The following RPAP1 variants were observed in gnomAD, a reference collection of about 807,000 sequenced individuals.
The protein encoded by RPAP1 is RNA polymerase II-associated protein 1.
A neutral mutation model predicts 142.4 loss-of-function variants in RPAP1; 109 were observed. The observed-to-expected ratio is 0.77, with a 90% CI of 0.66 to 0.90. The LOEUF (loss-of-function observed/expected upper bound fraction) is 0.90, where lower values mean the gene tolerates loss of function less well. Among genes scored for constraint, RPAP1 ranks in the 40% least tolerant of loss-of-function variants. The pLI is 0.00. For synonymous variants in RPAP1, 704 were observed against 738.9 expected (o/e 0.95, Z 0.77); for missense variants, 1,546 against 1,751.7 (o/e 0.88, Z 2.10).
intron 1 of RPAP1, among the ~76,000 whole-genome samples, chr15:41,543,577 GA>G (rs2051991941): frequency 6.6e-6 from 1 of 152,080 alleles, no homozygotes; most frequent in Non-Finnish European, 1.5e-5. Context: ...TATATAATAG[GA>G]AATGTGTGAG....
intron 16 of RPAP1, 52 bp from the exon 17 acceptor site, chr15:41,524,024 C>T (rs1160338666): frequency 1.2e-5 from 20 of 1,608,508 alleles, no homozygotes; most frequent in Admixed American, 1.7e-5. Context: ...CCTCACGCCC[C>T]TTTACACTCC....
intron 1 of RPAP1, among the ~76,000 whole-genome samples, chr15:41,538,865 C>T (rs2051941952): frequency 6.6e-6 from 1 of 150,822 alleles, no homozygotes; most frequent in Non-Finnish European, 1.5e-5. Context: ...CTATATGACT[C>T]AGAAACATTT....
At chr15:41,527,122 G>C in intron 13 of RPAP1, 45 bp downstream of exon 13, 2 of 1,613,470 alleles carry the variant, frequency 1.2e-6, no homozygotes, top group Non-Finnish European at 1.7e-6. Context: ...TCAAGACAAG[G>C]CCCAGCTAGG....
At chr15:41,529,630 C>A in intron 8 of RPAP1, 62 bp from the exon 9 acceptor site, 1 of 1,211,498 alleles carries the variant, frequency 8.3e-7, no homozygotes, top group Admixed American at 1.9e-5. Flanking sequence ...ACACCCACTC[C>A]CCACCTTTAA....
In RPAP1 at chr15:41,527,196, C is replaced by A. The variant is rs1181952084; in HGVS notation, c.1717G>T (p.Ala573Ser). Residue 573 changes from alanine to serine, a missense_variant, in exon 13 of 25, where the codon GCC becomes TCC. Ala to Ser is a moderately conservative substitution (Grantham distance 99). This residue lies in a region of RPAP1 where 1,333 missense variants were observed against 1,486.6 expected (regional missense o/e 0.90). Transcript: ENST00000304330. Reference protein sequence around the residue: ...LDILAVLIRLARHSLESATRV... With the variant: ...LDILAVLIRLSRHSLESATRV... ...GTGGCTGATTCCAGGGAATGCCGGG[C>A]CAGGCGGATGAGCACAGCCAGGATG... 1 of 1,614,066 alleles carries A rather than the reference C, an allele frequency of 6.2e-7. No homozygotes were observed. Among genetic ancestry groups the A allele is most frequent in the Non-Finnish European group, 8.5e-7 (1 of 1,180,036 alleles).
In RPAP1 at chr15:41,527,544, C is replaced by G; in HGVS notation, c.1490G>C (p.Ser497Thr). 6.2e-7 allele frequency: 1 copy of G among 1,614,120 alleles called. No homozygotes were observed. The highest frequency in any genetic ancestry group is 8.5e-7 in the Non-Finnish European group (1 of 1,180,022). The change falls in exon 12 of 25, where the codon AGC becomes ACC. Residue 497 changes from serine to threonine, a missense_variant. Ser to Thr is a moderately conservative substitution (Grantham distance 58). Coordinates refer to ENST00000304330, the MANE Select transcript of RPAP1 (RefSeq NM_015540.4). ...GTCCTCATCCTCCTTGTCCTCCTGGCTGGGCATCAGAGGGAACGTCAAAGC... is the reference window on the plus strand; with the variant it reads ...GTCCTCATCCTCCTTGTCCTCCTGGGTGGGCATCAGAGGGAACGTCAAAGC... Reference protein sequence around the residue: ...HGALTFPLMPSQEDKEDEDED... With the variant: ...HGALTFPLMPTQEDKEDEDED...
At chr15:41,522,717 G>A in intron 19 of RPAP1, 48 bp downstream of exon 19, 1 of 1,111,512 alleles carries the variant, frequency 9.0e-7, no homozygotes, top group Non-Finnish European at 1.3e-6. Context: ...TCTGATTCCT[G>A]CCATCTTGGC....
At chr15:41,533,849 A>C (rs1046812800) in intron 6 of RPAP1, among the ~76,000 whole-genome samples, 1 of 150,646 alleles carries the variant, frequency 6.6e-6, no homozygotes, top group African/African-American at 2.4e-5. Context: ...AAAAAAAAAA[A>C]AAAACCTAGG....
chr15:41,529,654 A>G, intron 8 of RPAP1, 86 bp from the exon 9 acceptor site: 2 of 1,044,048 alleles, frequency 1.9e-6, no homozygotes, highest in Non-Finnish European at 2.9e-6. Context: ...CAGGCCTTTC[A>G]GGACTTAGGT....
rs772873764 is a variant in RPAP1, at chr15:41,527,464, TTTC to T, written c.1567_1569del (p.Glu523del). 3.0e-4 allele frequency: 477 copies of T among 1,614,238 alleles called. No homozygotes were observed. Among genetic ancestry groups the T allele is most frequent in the Admixed American group, 1.4e-3 (86 of 60,026 alleles). On this transcript the variant is annotated inframe_deletion, in exon 12 of 25. Transcript: ENST00000304330. ...CGGGCCAGGTCAGGTGGAGGCCGGC[TTTC>T]TTCTTCAGGGCTTTTCCTTTTTGCT...
intron 6 of RPAP1, among the ~76,000 whole-genome samples, chr15:41,532,814 TA>T (rs74184739): frequency 6.6e-6 from 1 of 151,438 alleles, no homozygotes; most frequent in Non-Finnish European, 1.5e-5. Context: ...CCATCTCTAC[TA>T]AAAATACAAA....
intron 6 of RPAP1, among the ~76,000 whole-genome samples, chr15:41,531,900 T>C (rs2051855858): frequency 6.6e-6 from 1 of 151,712 alleles, no homozygotes; most frequent in South Asian, 2.1e-4. Context: ...CTGTTACCCA[T>C]GCTGGAGTGC....
chr15:41,523,087 C>G lies in RPAP1; in HGVS notation c.2547-127G>C, dbSNP rs918575630. On this transcript the variant is annotated intron_variant, in intron 18 of 24. Coordinates refer to ENST00000304330, the MANE Select transcript of RPAP1 (RefSeq NM_015540.4). ...GTGGAGGTCAGTGCTGCTCACACTC[C>G]TCAGAGCCCACCCCACTGCTGCCTG... 5.2e-6 allele frequency: 5 copies of G among 952,494 alleles called. No individual in the cohort carries two copies. In the African/African-American group the frequency reaches 8.4e-5, roughly 16 times the overall value. 59.0% of individuals were successfully genotyped at this position (952,494 alleles called of 1,614,324 possible). A position where few individuals can be genotyped will look rare whatever the true frequency, so the allele number is the denominator to read the frequency against.
At chr15:41,537,544 G>T (rs1160457325) in intron 1 of RPAP1, among the ~76,000 whole-genome samples, 1 of 152,112 alleles carries the variant, frequency 6.6e-6, no homozygotes, top group Non-Finnish European at 1.5e-5. Context: ...TGGCCTAAAG[G>T]TATGTAAATT....
At chr15:41,528,985 G>A (rs2051822111) in intron 9 of RPAP1, among the ~76,000 whole-genome samples, 1 of 152,146 alleles carries the variant, frequency 6.6e-6, no homozygotes, top group South Asian at 2.1e-4. Flanking sequence ...GAGGCATCAT[G>A]AGGAGGTGAC....
chr15:41,525,066 G>A lies in RPAP1; in HGVS notation c.2000C>T (p.Ala667Val), dbSNP rs767637442. ...GAGGGCCTCGGTGCTCAGCATCTCAGCTTCCTCTGGGGGCAAGGCCAGTTC... is the reference window on the plus strand; with the variant it reads ...GAGGGCCTCGGTGCTCAGCATCTCAACTTCCTCTGGGGGCAAGGCCAGTTC... ...PQELALPPEE[A>V]EMLSTEALRL... Residue 667 changes from alanine (A) to valine (V), a missense_variant, in exon 15 of 25, where the codon GCT becomes GTT. Physicochemically the swap from Ala to Val is moderately conservative, Grantham distance 64. Transcript: ENST00000304330. The A allele has an allele frequency of 1.2e-6, 2 of 1,614,066 alleles. No homozygotes were observed. Among genetic ancestry groups the A allele is most frequent in the South Asian group, 1.1e-5 (1 of 91,082 alleles).
intron 22 of RPAP1, 169 bp downstream of exon 22, chr15:41,520,222 C>G (rs930590151): frequency 4.1e-6 from 3 of 739,322 alleles, no homozygotes; most frequent in Non-Finnish European, 6.6e-6. Flanking sequence ...GCGTGAGCCA[C>G]CACACCCAGC....
At chr15:41,530,257 AAG>A (rs1170399069) in intron 7 of RPAP1, among the ~76,000 whole-genome samples, 1 of 152,162 alleles carries the variant, frequency 6.6e-6, no homozygotes, top group African/African-American at 2.4e-5. Flanking sequence ...AGAAGGAAGA[AAG>A]AGAAAGAAAG....
At chr15:41,529,653 C>G in intron 8 of RPAP1, 85 bp from the exon 9 acceptor site, 3 of 1,062,904 alleles carry the variant, frequency 2.8e-6, no homozygotes, top group Non-Finnish European at 4.3e-6. Flanking sequence ...CCAGGCCTTT[C>G]AGGACTTAGG....
Sources: gnomAD v4.1 joint callset for allele counts (sites outside exome capture counted in the v4.1 genomes callset) on GRCh38, gnomAD v4.1.1 for gene constraint, gnomAD v4.1.1 regional missense constraint, MANE v1.5 for transcripts, NCBI Gene and HGNC (gene_info 2026-07-23, HGNC 2026-07-21) for gene names.